RAB22A: variants seen among roughly 807,000 people sequenced by gnomAD.
The protein encoded by RAB22A is ras-related protein Rab-22A.
In RAB22A, 13 loss-of-function variants were observed where a neutral mutation model predicts 30.2. The observed-to-expected ratio is 0.43, with a 90% CI of 0.28 to 0.68. The LOEUF (loss-of-function observed/expected upper bound fraction) is 0.68. RAB22A is among the 30% of genes least tolerant of loss of function. The pLI, the probability that RAB22A is intolerant of heterozygous loss-of-function variation, is 0.18. For synonymous variants in RAB22A, 89 were observed against 87.2 expected, an observed-to-expected ratio of 1.02 and a Z score of -0.11; for missense variants, 177 against 246.8, an observed-to-expected ratio of 0.72 and a Z score of 1.89.
At chr20:58,336,167 G>A (rs1253221613) in intron 2 of RAB22A, among the ~76,000 whole-genome samples, 2 of 152,032 alleles carry the variant, frequency 1.3e-5, no homozygotes, top group East Asian at 3.9e-4. Context: ...CCACCACGAC[G>A]CCCAGCTAAT....
chr20:58,310,863 G>A (rs951003018), intron 1 of RAB22A, among the ~76,000 whole-genome samples, 180 bp from the exon 2 acceptor site: 1 of 152,194 alleles, frequency 6.6e-6, no homozygotes, highest in Admixed American at 6.5e-5. Context: ...TTTTAGTACA[G>A]TTGGAATTTC....
chr20:58,330,863 A>G (rs908255738), intron 2 of RAB22A, among the ~76,000 whole-genome samples: 10 of 152,176 alleles, frequency 6.6e-5, no homozygotes, highest in Non-Finnish European at 1.0e-4. Flanking sequence ...GTTGCTGTCC[A>G]TTGGACTCCT....
intron 2 of RAB22A, among the ~76,000 whole-genome samples, chr20:58,317,584 A>G (rs1986368850): frequency 7.7e-6 from 1 of 130,492 alleles, no homozygotes; most frequent in African/African-American, 2.9e-5. Flanking sequence ...TTTGAGACAG[A>G]GTCTCGCTCT....
intron 2 of RAB22A, among the ~76,000 whole-genome samples, chr20:58,324,321 A>G (rs1292891376): frequency 1.3e-5 from 2 of 149,752 alleles, no homozygotes; most frequent in Non-Finnish European, 3.0e-5. Context: ...TTTTTTAAGG[A>G]TTTTGACTCT....
intron 2 of RAB22A, among the ~76,000 whole-genome samples, chr20:58,314,563 G>C (rs899901108): frequency 2.6e-5 from 4 of 152,136 alleles, no homozygotes; most frequent in African/African-American, 9.7e-5. Flanking sequence ...AAAGTTGGCT[G>C]TGCACGGTGG....
chr20:58,311,176 A>G lies in RAB22A; in HGVS notation c.116+54A>G. On this transcript the variant is annotated intron_variant, in intron 2 of 6. Transcript: ENST00000244040. Reference sequence around the variant, plus strand: ...AAAGGTGCATTGAAAATCCTTCCAAATACATAGTGTGTTACAGGTGTAGGC... The same window carrying G: ...AAAGGTGCATTGAAAATCCTTCCAAGTACATAGTGTGTTACAGGTGTAGGC... The G allele has an allele frequency of 2.1e-6, 3 of 1,460,442 alleles. No individual in the cohort carries two copies. In the South Asian group the frequency reaches 3.4e-5, roughly 17 times the overall value. The allele number at this position is 1,460,442 out of a possible 1,614,324, so 90.5% of individuals were successfully genotyped here.
chr20:58,341,060 A>T (rs369425908), intron 2 of RAB22A, among the ~76,000 whole-genome samples: 1 of 152,342 alleles, frequency 6.6e-6, no homozygotes. Flanking sequence ...GACATCTCTG[A>T]CTCAGCAAAA....
At chr20:58,330,946 G>A (rs1054024717) in intron 2 of RAB22A, among the ~76,000 whole-genome samples, 5 of 152,248 alleles carry the variant, frequency 3.3e-5, no homozygotes, top group Admixed American at 1.3e-4. Flanking sequence ...GTATGGATTT[G>A]CAGCTCCTTC....
intron 2 of RAB22A, among the ~76,000 whole-genome samples, 185 bp from the exon 3 acceptor site, chr20:58,343,533 T>C (rs1986893348): frequency 6.6e-6 from 1 of 152,152 alleles, no homozygotes; most frequent in South Asian, 2.1e-4. Context: ...CCTAATGCTT[T>C]ATTTTGACGG....
chr20:58,333,992 A>C (rs1247170940), intron 2 of RAB22A, among the ~76,000 whole-genome samples: 1 of 152,154 alleles, frequency 6.6e-6, no homozygotes, highest in Admixed American at 6.5e-5. Context: ...CAGGAGTTCA[A>C]GGCTACTGTG....
At chr20:58,352,399 G>A (rs796480884) in intron 3 of RAB22A, among the ~76,000 whole-genome samples, 33 of 152,246 alleles carry the variant, frequency 2.2e-4, no homozygotes, top group African/African-American at 7.5e-4. Flanking sequence ...ATAAGTAGGG[G>A]TCAGGCTTCA....
At chr20:58,313,386 A>G (rs1223065502) in intron 2 of RAB22A, among the ~76,000 whole-genome samples, 1 of 152,022 alleles carries the variant, frequency 6.6e-6, no homozygotes, top group Non-Finnish European at 1.5e-5. Flanking sequence ...GACCAACCCC[A>G]AACATGCCCC....
chr20:58,357,452 T>C (rs1230789422), intron 6 of RAB22A, among the ~76,000 whole-genome samples: 3 of 152,256 alleles, frequency 2.0e-5, no homozygotes, highest in Non-Finnish European at 4.4e-5. Context: ...TTGAAGTTTT[T>C]AATCTTCATA....
Position 58,366,495 on chromosome 20 carries a change from G to C in RAB22A, c.*6792G>C, listed in dbSNP as rs867428360. ...AAGAATATTCCCAACACAAAGAAAA[G>C]ATAAGCGAGGTGAAGGAAATCCCAG... On this transcript the variant is annotated 3_prime_UTR_variant, in exon 7 of 7. Transcript: ENST00000244040. The C allele has an allele frequency of 2.6e-5, 4 of 151,476 alleles. No homozygotes were observed. The South Asian group carries it at 8.4e-4, about 32-fold the overall frequency. The allele number at this position is 151,476 out of a possible 1,614,324, so 9.4% of individuals were successfully genotyped here.
In RAB22A at chr20:58,309,744, GGCGGCGGCGGCTCCCGGAAGGCC is replaced by G. The variant is rs1180888476; in HGVS notation, c.-223_-201del. On this transcript the variant is annotated 5_prime_UTR_variant, in exon 1 of 7. The change abolishes the stop of an existing upstream ORF in the 5' untranslated region. Transcript: ENST00000244040. The stretch of plus-strand genomic sequence containing the variant: ...GACGCGGCCGGCGTCCCAAGATGGC[GGCGGCGGCGGCTCCCGGAAGGCC>G]GCGGCGGCGTCCCGGCTGCTAAGGC... The G allele has an allele frequency of 3.9e-6, 1 of 254,552 alleles. No individual in the cohort carries two copies. The highest frequency in any genetic ancestry group is 2.3e-5 in the African/African-American group (1 of 43,958). 15.8% of individuals were successfully genotyped at this position (254,552 alleles called of 1,614,324 possible).
At chr20:58,330,799 TACAGTTGGAA>T (rs1160563878) in intron 2 of RAB22A, among the ~76,000 whole-genome samples, 1 of 152,198 alleles carries the variant, frequency 6.6e-6, no homozygotes, top group East Asian at 1.9e-4. Context: ...TTTTCTCCCC[TACAGTTGGAA>T]ACAACTGAAA....
Position 58,309,799 on chromosome 20 carries a change from C to A in RAB22A, c.-178C>A. The A allele has an allele frequency of 2.1e-6, 1 of 482,026 alleles. No homozygotes were observed. The highest frequency in any genetic ancestry group is 3.2e-6 in the Non-Finnish European group (1 of 312,182). 29.9% of individuals were successfully genotyped at this position (482,026 alleles called of 1,614,324 possible). On this transcript the variant is annotated 5_prime_UTR_variant, in exon 1 of 7. Transcript: ENST00000244040. ...GCGTCCCGGCTGCTAAGGCGGGCCC[C>A]ACGCGGCTGGCAGCGGACAGGCCGG...
chr20:58,366,403 C>T lies in RAB22A; in HGVS notation c.*6700C>T, dbSNP rs931887296. ...AGATAGAAGGAATAGTTCCAGCATT[C>T]GATATTACAGTAGGGAGACTGCATT... On this transcript the variant is annotated 3_prime_UTR_variant, in exon 7 of 7. Transcript: ENST00000244040. 3 of 151,994 alleles carry T rather than the reference C, an allele frequency of 2.0e-5. No homozygotes were observed. The highest frequency in any genetic ancestry group is 2.0e-4 in the Admixed American group (3 of 15,264). 9.4% of individuals were successfully genotyped at this position (151,994 alleles called of 1,614,324 possible).
At chr20:58,333,276 CATAAATAAATAA>C (rs58194504) in intron 2 of RAB22A, among the ~76,000 whole-genome samples, 7 of 143,754 alleles carry the variant, frequency 4.9e-5, no homozygotes, top group African/African-American at 7.8e-5. Context: ...GAGACTCCAT[CATAAATAAATAA>C]ATAAATAAAT....
Sources: gnomAD v4.1 joint callset for allele counts (sites outside exome capture counted in the v4.1 genomes callset) on GRCh38, gnomAD v4.1.1 for gene constraint, MANE v1.5 for transcripts, NCBI Gene and HGNC (gene_info 2026-07-23, HGNC 2026-07-21) for gene names.